The following MAP2 variants were observed in gnomAD, a reference collection of about 807,000 sequenced individuals.
MAP2 encodes microtubule-associated protein 2.
A neutral mutation model predicts 137.6 loss-of-function variants in MAP2; 14 were observed. The ratio of observed to expected loss-of-function variants is 0.10; its 90% CI spans 0.07 to 0.16. MAP2 has a LOEUF of 0.16. MAP2 is among the 10% of genes least tolerant of loss of function. The pLI, the probability that MAP2 is intolerant of heterozygous loss-of-function variation, is 1.00. For missense variants in MAP2, 2,088 were observed against 2,191.5 expected (o/e 0.95, Z 0.94); for synonymous variants, 786 against 782.3 (o/e 1.00, Z -0.08).
intron 3 of MAP2, among the ~76,000 whole-genome samples, chr2:209,601,824 A>G (rs2153461867): frequency 6.6e-6 from 1 of 152,284 alleles, no homozygotes; most frequent in Non-Finnish European, 1.5e-5. Context: ...AAGGAGTACT[A>G]CTTATATTTT....
chr2:209,565,842 C>T (rs56677957), intron 2 of MAP2, among the ~76,000 whole-genome samples: 32,156 of 151,974 alleles, frequency 0.21, 4,802 homozygotes, highest in African/African-American at 0.43. Context: ...GGATTGTTTT[C>T]TCTTGTTATT....
intron 3 of MAP2, among the ~76,000 whole-genome samples, chr2:209,584,176 C>T (rs2077156871): frequency 6.6e-6 from 1 of 151,902 alleles, no homozygotes; most frequent in Non-Finnish European, 1.5e-5. Flanking sequence ...TAAGGGACTT[C>T]ATTACAGGGC....
intron 3 of MAP2, among the ~76,000 whole-genome samples, chr2:209,620,397 G>A (rs910150922): frequency 6.6e-6 from 1 of 152,190 alleles, no homozygotes; most frequent in African/African-American, 2.4e-5. Flanking sequence ...ATTTGCATAG[G>A]AATTTGCTAA....
At position 209,469,295 on chromosome 2, in the gene MAP2, T is replaced by TA. The variant is rs143219935; in HGVS notation, c.-221-38296dup. Among the ~76,000 whole-genome samples the TA allele has an allele frequency of 7.0e-3, 1,073 of 152,328 alleles. 8 individuals carry two copies. Among genetic ancestry groups the TA allele is most frequent in the African/African-American group, 0.024 (1,003 of 41,578 alleles). On this transcript the variant is annotated intron_variant, in intron 1 of 15. Coordinates refer to ENST00000682079, the MANE Select transcript of MAP2 (RefSeq NM_001375505.1). ...GTGTAAGTTGTTCCCTTAAACTAGA[T>TA]ACGATATGTTCCATTGTCTTCCATA...
intron 2 of MAP2, among the ~76,000 whole-genome samples, chr2:209,532,654 G>A (rs1275156077): frequency 6.6e-6 from 1 of 152,094 alleles, no homozygotes; most frequent in Non-Finnish European, 1.5e-5. Flanking sequence ...GTGTTTCGAT[G>A]ACCCTGCCTT....
chr2:209,496,290 C>T (rs1487681854), intron 1 of MAP2, among the ~76,000 whole-genome samples: 1 of 152,150 alleles, frequency 6.6e-6, no homozygotes, highest in African/African-American at 2.4e-5. Flanking sequence ...ACAGTCTGGG[C>T]AGGCAGGGTA....
chr2:209,694,021 C>G lies in MAP2; in HGVS notation c.1851C>G (p.Asp617Glu). Residue 617 changes from aspartate (D) to glutamate (E), a missense_variant, in exon 8 of 16, where the codon GAC becomes GAG. Transcript: ENST00000682079. ...TGTCTCCCATGCATAAAAATGGTGA[C>G]AAGGAGTTTCAAACAGGAAAAGAAT... ...DTMSPMHKNG[D>E]KEFQTGKESQ... 6.2e-7 allele frequency: 1 copy of G among 1,613,870 alleles called. No individual in the cohort carries two copies. Among genetic ancestry groups the G allele is most frequent in the Non-Finnish European group, 8.5e-7 (1 of 1,179,946 alleles).
chr2:209,454,408 C>G (rs962390443), intron 1 of MAP2, among the ~76,000 whole-genome samples: 5 of 152,072 alleles, frequency 3.3e-5, no homozygotes, highest in Non-Finnish European at 7.4e-5. Context: ...GATCTCTGCT[C>G]ATTGCAACCT....
At chr2:209,484,092 TA>T (rs1338810410) in intron 1 of MAP2, among the ~76,000 whole-genome samples, 2 of 152,130 alleles carry the variant, frequency 1.3e-5, no homozygotes, top group Non-Finnish European at 2.9e-5. Flanking sequence ...AAAATAGAGG[TA>T]AAAATCTTTA....
At chr2:209,684,031 T>C (rs979150849) in intron 7 of MAP2, among the ~76,000 whole-genome samples, 2 of 152,092 alleles carry the variant, frequency 1.3e-5, no homozygotes, top group Non-Finnish European at 2.9e-5. Flanking sequence ...ACAAGGGATT[T>C]TGATGAAAAA....
intron 3 of MAP2, among the ~76,000 whole-genome samples, chr2:209,598,166 C>T (rs1310802114): frequency 3.9e-5 from 6 of 151,918 alleles, no homozygotes; most frequent in African/African-American, 7.3e-5. Context: ...CCACCATGCC[C>T]GGCTAATTTT....
At chr2:209,567,885 A>G (rs763325782) in intron 2 of MAP2, among the ~76,000 whole-genome samples, 1 of 152,070 alleles carries the variant, frequency 6.6e-6, no homozygotes, top group Non-Finnish European at 1.5e-5. Flanking sequence ...AGAATGAGCC[A>G]TGAAGTTTTA....
At chr2:209,649,101 A>G (rs1484088852) in intron 4 of MAP2, among the ~76,000 whole-genome samples, 1 of 152,036 alleles carries the variant, frequency 6.6e-6, no homozygotes, top group East Asian at 1.9e-4. Flanking sequence ...TGGCATAATC[A>G]TGGCTCACTG....
At chr2:209,680,683 TC>T in intron 6 of MAP2, 66 bp from the exon 7 acceptor site, 1 of 1,352,256 alleles carries the variant, frequency 7.4e-7, no homozygotes, top group Non-Finnish European at 1.1e-6. Context: ...TGGCAGAACT[TC>T]CTACACATCT....
intron 4 of MAP2, among the ~76,000 whole-genome samples, chr2:209,629,504 C>G (rs1173107357): frequency 6.6e-6 from 1 of 152,174 alleles, no homozygotes; most frequent in Non-Finnish European, 1.5e-5. Flanking sequence ...ACCATCCTCT[C>G]TGAAAATAAA....
chr2:209,698,587 A>G (rs2060899278), intron 10 of MAP2, among the ~76,000 whole-genome samples: 1 of 152,206 alleles, frequency 6.6e-6, no homozygotes. Context: ...TTCTTCATCT[A>G]GAAATCATAT....
chr2:209,460,730 A>T (rs1025692532), intron 1 of MAP2, among the ~76,000 whole-genome samples: 2 of 151,764 alleles, frequency 1.3e-5, no homozygotes, highest in African/African-American at 4.8e-5. Context: ...CTTTGTGGGT[A>T]ATTAAAAAAT....
chr2:209,527,365 C>T (rs1218443188), intron 2 of MAP2, among the ~76,000 whole-genome samples: 1 of 152,186 alleles, frequency 6.6e-6, no homozygotes, highest in Non-Finnish European at 1.5e-5. Context: ...GAGTCCCTAA[C>T]ATCTAGCCAA....
intron 7 of MAP2, among the ~76,000 whole-genome samples, chr2:209,688,520 T>C (rs1196728865): frequency 6.6e-6 from 1 of 152,218 alleles, no homozygotes; most frequent in Admixed American, 6.5e-5. Flanking sequence ...CCATATCATG[T>C]AATCATCTAC....
Sources: allele counts gnomAD v4.1 joint callset (sites outside exome capture counted in the v4.1 genomes callset), GRCh38; gene constraint gnomAD v4.1.1; transcripts MANE v1.5; gene names NCBI Gene and HGNC (gene_info 2026-07-23, HGNC 2026-07-21).